The following OLA1 variants were observed in gnomAD, a reference collection of about 807,000 sequenced individuals.
OLA1 encodes obg-like ATPase 1.
A neutral mutation model predicts 48.4 loss-of-function variants in OLA1; 14 were observed. The observed-to-expected ratio is 0.29, with a 90% confidence interval of 0.19 to 0.45. The LOEUF (loss-of-function observed/expected upper bound fraction) is 0.45. Among genes scored for constraint, OLA1 ranks in the 20% least tolerant of loss-of-function variants. The probability of loss-of-function intolerance (pLI) is 1.00; values close to 1 mark genes in which losing one functional copy is unlikely to be tolerated. For missense variants in OLA1, 325 were observed against 467.1 expected, an observed-to-expected ratio of 0.70 and a Z score of 2.80; for synonymous variants, 127 against 150.4, an observed-to-expected ratio of 0.84 and a Z score of 1.14.
intron 4 of OLA1, among the ~76,000 whole-genome samples, chr2:174,214,453 T>C (rs1688316811): frequency 1.3e-5 from 2 of 152,250 alleles, no homozygotes; most frequent in African/African-American, 4.8e-5. Flanking sequence ...CCTAGGGTTA[T>C]ATCTTAACCT....
chr2:174,079,281 T>C (rs1684812605), intron 9 of OLA1, 191 bp from the exon 10 acceptor site: 1 of 384,004 alleles, frequency 2.6e-6, no homozygotes. Context: ...CATAGATCAG[T>C]AGATATTAAA....
chr2:174,186,909 G>C (rs1226063808), intron 4 of OLA1, among the ~76,000 whole-genome samples: 1 of 152,086 alleles, frequency 6.6e-6, no homozygotes, highest in Non-Finnish European at 1.5e-5. Context: ...GCAAACTGTT[G>C]ACACTCCATA....
At position 174,219,423 on chromosome 2, in the gene OLA1, CTTTTTTTTTTTTTT is replaced by C. The variant is rs372577919; in HGVS notation, c.373+3596_373+3609del. On this transcript the variant is annotated intron_variant, in intron 4 of 10. Coordinates refer to ENST00000284719, the MANE Select transcript of OLA1 (RefSeq NM_013341.5). ...TGGCAACTTACTCCATTTTATTTCCCTTTTTTTTTTTTTTTTTTTTTTTTTGCGATGGGTCTCAC... is the reference window on the plus strand; with the variant it reads ...TGGCAACTTACTCCATTTTATTTCCCTTTTTTTTTTTGCGATGGGTCTCAC... Among the ~76,000 whole-genome samples the C allele has an allele frequency of 7.4e-5, 7 of 94,912 alleles. 1 individual carries two copies. The highest frequency in any genetic ancestry group is 7.2e-4 in the East Asian group (2 of 2,770). The allele number at this position is 94,912 out of a possible 152,430, so 62.3% of individuals were successfully genotyped here. A position where few individuals can be genotyped will look rare whatever the true frequency, so the allele number is the denominator to read the frequency against.
chr2:174,100,205 G>A (rs1685359665), intron 7 of OLA1, among the ~76,000 whole-genome samples: 1 of 152,156 alleles, frequency 6.6e-6, no homozygotes, highest in Non-Finnish European at 1.5e-5. Context: ...GGTAAATTGA[G>A]AATATTTATT....
At chr2:174,176,252 G>C (rs1326307221) in intron 4 of OLA1, among the ~76,000 whole-genome samples, 1 of 152,000 alleles carries the variant, frequency 6.6e-6, no homozygotes, top group Non-Finnish European at 1.5e-5. Context: ...TCTTTGATAA[G>C]GTTTCATACT....
At chr2:174,148,494 T>G (rs1242665788) in intron 4 of OLA1, among the ~76,000 whole-genome samples, 1 of 152,220 alleles carries the variant, frequency 6.6e-6, no homozygotes, top group Non-Finnish European at 1.5e-5. Flanking sequence ...TAAACTCTCA[T>G]TTAAAAAACT....
At chr2:174,113,299 G>GTT (rs1685699550) in intron 7 of OLA1, among the ~76,000 whole-genome samples, 1 of 152,038 alleles carries the variant, frequency 6.6e-6, no homozygotes, top group South Asian at 2.1e-4. Context: ...GTTAAATCCT[G>GTT]TTTATCATAT....
At chr2:174,088,011 C>T (rs1685022575) in intron 7 of OLA1, among the ~76,000 whole-genome samples, 1 of 152,132 alleles carries the variant, frequency 6.6e-6, no homozygotes, top group South Asian at 2.1e-4. Flanking sequence ...CCTGTTTGAA[C>T]TTACATCTTC....
chr2:174,246,979 C>A, intron 1 of OLA1, 164 bp from the exon 2 acceptor site: 1 of 434,396 alleles, frequency 2.3e-6, no homozygotes. Context: ...TTTTTTTCAG[C>A]AAAAATGTTT....
At chr2:174,239,880 C>T (rs959962237) in intron 2 of OLA1, among the ~76,000 whole-genome samples, 29 of 150,394 alleles carry the variant, frequency 1.9e-4, no homozygotes, top group African/African-American at 6.4e-4. Context: ...GATGACAGAG[C>T]GAGACTCTAT....
At chr2:174,186,078 C>A (rs1018716344) in intron 4 of OLA1, among the ~76,000 whole-genome samples, 1 of 152,030 alleles carries the variant, frequency 6.6e-6, no homozygotes, top group Admixed American at 6.6e-5. Flanking sequence ...CATGAGAGAC[C>A]TTTAACACAT....
At chr2:174,129,028 G>T (rs190604672) in intron 5 of OLA1, among the ~76,000 whole-genome samples, 79 of 152,230 alleles carry the variant, frequency 5.2e-4, no homozygotes, top group African/African-American at 1.8e-3. Flanking sequence ...TTTTGGGGAA[G>T]TTACCTAACC....
chr2:174,136,412 T>A (rs72625249), intron 5 of OLA1, among the ~76,000 whole-genome samples: 17,832 of 152,234 alleles, frequency 0.12, 2,350 homozygotes, highest in East Asian at 0.72. Context: ...GTAGATTCCA[T>A]CTCAAGAAAC....
At chr2:174,115,960 C>A (rs910671688) in intron 7 of OLA1, among the ~76,000 whole-genome samples, 4 of 152,184 alleles carry the variant, frequency 2.6e-5, no homozygotes, top group African/African-American at 9.6e-5. Context: ...TAAGATAATA[C>A]ATGACACACA....
At chr2:174,166,840 T>C (rs1412063886) in intron 4 of OLA1, among the ~76,000 whole-genome samples, 2 of 152,170 alleles carry the variant, frequency 1.3e-5, no homozygotes, top group African/African-American at 2.4e-5. Context: ...CAAATTACCC[T>C]GCTAAAAGAT....
intron 4 of OLA1, among the ~76,000 whole-genome samples, chr2:174,191,912 C>T (rs1687786134): frequency 6.6e-6 from 1 of 152,158 alleles, no homozygotes; most frequent in African/African-American, 2.4e-5. Flanking sequence ...CACATATGTA[C>T]AAACAAATGA....
intron 4 of OLA1, among the ~76,000 whole-genome samples, chr2:174,154,241 T>G (rs1425888486): frequency 6.6e-6 from 1 of 152,178 alleles, no homozygotes; most frequent in Non-Finnish European, 1.5e-5. Flanking sequence ...TTCTGTTGTA[T>G]TTACCCTTTG....
At chr2:174,234,339 T>A (rs984951996) in intron 2 of OLA1, among the ~76,000 whole-genome samples, 3 of 152,210 alleles carry the variant, frequency 2.0e-5, no homozygotes, top group Admixed American at 6.5e-5. Context: ...AGGCTTCCAG[T>A]CAATAGTTGG....
chr2:174,115,179 G>A (rs1435874444), intron 7 of OLA1, among the ~76,000 whole-genome samples: 5 of 152,214 alleles, frequency 3.3e-5, no homozygotes, highest in Non-Finnish European at 7.3e-5. Context: ...CTCGGAATTT[G>A]AGGATCAAAT....
Sources: gnomAD v4.1 joint callset for allele counts (sites outside exome capture counted in the v4.1 genomes callset) on GRCh38, gnomAD v4.1.1 for gene constraint, MANE v1.5 for transcripts, NCBI Gene and HGNC (gene_info 2026-07-23, HGNC 2026-07-21) for gene names.